The following TUSC3 variants were observed in gnomAD, a reference collection of about 807,000 sequenced individuals.
TUSC3 encodes dolichyl-diphosphooligosaccharide--protein glycosyltransferase subunit TUSC3.
TUSC3 carries 45 observed loss-of-function variants against 44.8 expected under a neutral mutation model. The ratio of observed to expected loss-of-function variants is 1.00; its 90% confidence interval spans 0.79 to 1.29. The LOEUF (loss-of-function observed/expected upper bound fraction) is 1.29, where lower values mean the gene tolerates loss of function less well. Among genes scored for constraint, TUSC3 ranks in the 50% most tolerant of loss-of-function variants. The pLI is 0.00. For synonymous variants in TUSC3, 212 were observed against 152.9 expected (o/e 1.39, Z -2.85); for missense variants, 519 against 437.9 (o/e 1.19, Z -1.65).
intron 3 of TUSC3, among the ~76,000 whole-genome samples, chr8:15,658,657 C>CACACACACAT (rs1186873286): frequency 0.019 from 2,906 of 150,692 alleles, 90 homozygotes; most frequent in African/African-American, 0.066. Context: ...CACACACACA[C>CACACACACAT]ACAAATACAA....
In TUSC3 at chr8:15,433,863, A is replaced by T. The variant is rs566144014; in HGVS notation, n.91+16558A>T. Among the ~76,000 whole-genome samples, 6 of 152,310 alleles carry T rather than the reference A, an allele frequency of 3.9e-5. No homozygotes were observed. The South Asian group carries it at 6.2e-4, about 16-fold the overall frequency. On this transcript the variant is annotated intron_variant and non_coding_transcript_variant, in intron 1 of 5. Transcript: ENST00000503191. ...GGATTTTTTCCAGTTGGGGGTCATT[A>T]TTACAGAAATCAAGCTATAAATATT... is the stretch of plus-strand genomic sequence containing the variant.
chr8:15,733,362 T>C, intron 7 of TUSC3: 1 of 405,034 alleles, frequency 2.5e-6, no homozygotes, highest in South Asian at 1.8e-5. Context: ...TTTTTTTTTT[T>C]TTCCTAACTT....
At chr8:15,801,540 C>A in the TUSC3 span, among the ~76,000 whole-genome samples, 1 of 152,054 alleles carries the variant, frequency 6.6e-6, no homozygotes, top group African/African-American at 2.4e-5. Flanking sequence ...AGTGACATGT[C>A]CATTTTTGTA....
intron 5 of TUSC3, among the ~76,000 whole-genome samples, chr8:15,666,673 A>T (rs949945649): frequency 6.6e-6 from 1 of 151,426 alleles, no homozygotes; most frequent in East Asian, 1.9e-4. Flanking sequence ...TTTAGTATAT[A>T]CATATAATCT....
At chr8:15,625,088 A>C (rs1054879080) in intron 2 of TUSC3, among the ~76,000 whole-genome samples, 1 of 151,944 alleles carries the variant, frequency 6.6e-6, no homozygotes, top group Non-Finnish European at 1.5e-5. Flanking sequence ...CATTAAAAAA[A>C]TTTTTTTTGT....
At chr8:15,572,731 A>G (rs746464242) in intron 1 of TUSC3, among the ~76,000 whole-genome samples, 23 of 152,108 alleles carry the variant, frequency 1.5e-4, no homozygotes, top group Non-Finnish European at 2.8e-4. Context: ...TGGGTTATTC[A>G]TTGGCCTAAT....
At chr8:15,457,199 G>C (rs975050761) in intron 1 of TUSC3, among the ~76,000 whole-genome samples, 1 of 151,368 alleles carries the variant, frequency 6.6e-6, no homozygotes, top group Non-Finnish European at 1.5e-5. Flanking sequence ...GTTAGCATTA[G>C]GAGATACACC....
At chr8:15,668,998 G>A (rs909651578) in intron 5 of TUSC3, among the ~76,000 whole-genome samples, 3 of 151,714 alleles carry the variant, frequency 2.0e-5, no homozygotes, top group African/African-American at 7.3e-5. Flanking sequence ...TTGCAATCTT[G>A]TGAATTAGAA....
At chr8:15,432,620 C>A (rs998250647) in intron 1 of TUSC3, among the ~76,000 whole-genome samples, 1 of 152,006 alleles carries the variant, frequency 6.6e-6, no homozygotes. Flanking sequence ...ATAAAGAAGC[C>A]TTTATTATCA....
intron 5 of TUSC3, among the ~76,000 whole-genome samples, chr8:15,670,857 A>G (rs1468421406): frequency 6.6e-6 from 1 of 151,916 alleles, no homozygotes; most frequent in Non-Finnish European, 1.5e-5. Flanking sequence ...AGACAGTGAA[A>G]TTTTAAAAGA....
At chr8:15,775,909 A>G in the TUSC3 span, among the ~76,000 whole-genome samples, 1 of 151,838 alleles carries the variant, frequency 6.6e-6, no homozygotes, top group South Asian at 2.1e-4. Context: ...GAGAAAATGG[A>G]CAGAGAACAA....
At position 15,758,361 on chromosome 8, in the gene TUSC3, A is replaced by G. The variant is rs529783037; in HGVS notation, c.*46+506A>G. 9.4e-6 allele frequency: 4 copies of G among 425,126 alleles called. No homozygotes were observed. The Admixed American group carries it at 1.9e-4, about 21-fold the overall frequency. 26.3% of individuals were successfully genotyped at this position (425,126 alleles called of 1,614,324 possible). A position where few individuals can be genotyped will look rare whatever the true frequency, so the allele number is the denominator to read the frequency against. ...GTAGGTACTTTATTTATATATATAT[A>G]AAATTACTGTCAATTTTATATATAT... On this transcript the variant is annotated intron_variant, in intron 10 of 10. Transcript: ENST00000503731.
the TUSC3 span, among the ~76,000 whole-genome samples, chr8:15,845,351 G>A: frequency 1.3e-5 from 2 of 152,048 alleles, no homozygotes; most frequent in Non-Finnish European, 1.5e-5. Context: ...TCTTAATCTG[G>A]CAATAAGGAG....
At chr8:15,792,318 C>T in the TUSC3 span, among the ~76,000 whole-genome samples, 8 of 152,150 alleles carry the variant, frequency 5.3e-5, no homozygotes, top group Admixed American at 2.0e-4. Context: ...AAGAAACATG[C>T]ATAGTGGTGT....
chr8:15,685,063 G>C (rs1011605461), intron 6 of TUSC3, among the ~76,000 whole-genome samples: 2 of 152,180 alleles, frequency 1.3e-5, no homozygotes, highest in African/African-American at 4.8e-5. Context: ...GGCACACCTC[G>C]GGGCGTGAAC....
At chr8:15,823,696 C>T in the TUSC3 span, among the ~76,000 whole-genome samples, 1 of 151,920 alleles carries the variant, frequency 6.6e-6, no homozygotes, top group African/African-American at 2.4e-5. Flanking sequence ...ATATAAACAC[C>T]CCTGTTATTT....
rs984871431 is a variant in TUSC3 at position 15,477,067 on chromosome 8, A to G, written n.92-6319A>G. On this transcript the variant is annotated intron_variant and non_coding_transcript_variant, in intron 1 of 5. Coordinates refer to the TUSC3 transcript ENST00000503191. The stretch of plus-strand genomic sequence containing the variant: ...ACGATTTTCCATCTGACACTCATCA[A>G]AAGAAAGGGTGGGTTGCAAAGGAAG... 2.6e-5 allele frequency among the ~76,000 whole-genome samples: 4 copies of G among 152,174 alleles called. No individual in the cohort carries two copies. The East Asian group carries it at 7.7e-4, about 29-fold the overall frequency.
intron 1 of TUSC3, among the ~76,000 whole-genome samples, chr8:15,427,075 G>GTTTTTTTTTTTTTTTT (rs367932724): frequency 1.4e-5 from 2 of 145,960 alleles, no homozygotes; most frequent in Admixed American, 6.8e-5. Flanking sequence ...GTTGTTTGGT[G>GTTTTTTTTTTTTTTTT]TTTGTTTTTT....
intron 1 of TUSC3, among the ~76,000 whole-genome samples, chr8:15,585,136 A>T (rs1264900639): frequency 6.6e-6 from 1 of 152,106 alleles, no homozygotes; most frequent in Non-Finnish European, 1.5e-5. Flanking sequence ...AGAGAAGGGG[A>T]TAGAGTAAAA....
Sources: gnomAD v4.1 joint callset for allele counts (sites outside exome capture counted in the v4.1 genomes callset) on GRCh38, gnomAD v4.1.1 for gene constraint, MANE v1.5 for transcripts, NCBI Gene and HGNC (gene_info 2026-07-23, HGNC 2026-07-21) for gene names.